The following CNBD1 variants were observed in gnomAD, a reference collection of about 807,000 sequenced individuals.
CNBD1 encodes the protein cyclic nucleotide binding domain containing 1.
In CNBD1, 71 loss-of-function variants were observed where a neutral mutation model predicts 54.4. The ratio of observed to expected loss-of-function variants is 1.30; its 90% CI spans 1.08 to 1.59. CNBD1 has a LOEUF of 1.59. Ranked by LOEUF, CNBD1 falls within the 40% of genes most tolerant of loss-of-function variation. The probability of loss-of-function intolerance (pLI) is 0.00; values close to 1 mark genes in which losing one functional copy is unlikely to be tolerated. For synonymous variants in CNBD1, 182 were observed against 170.7 expected (o/e 1.07, Z -0.51); for missense variants, 659 against 518.0 (o/e 1.27, Z -2.64).
At chr8:87,194,743 T>C (rs1268156108) in intron 4 of CNBD1, among the ~76,000 whole-genome samples, 2 of 152,246 alleles carry the variant, frequency 1.3e-5, no homozygotes, top group Non-Finnish European at 2.9e-5. Flanking sequence ...TGTAGTTCAC[T>C]AATTTATCCT....
At chr8:87,337,997 TC>T (rs1809984161) in intron 8 of CNBD1, among the ~76,000 whole-genome samples, 1 of 152,202 alleles carries the variant, frequency 6.6e-6, no homozygotes, top group Non-Finnish European at 1.5e-5. Context: ...TCTTTGACTT[TC>T]CTAATTTTAT....
At chr8:87,379,749 G>C (rs1811035027) in intron 10 of CNBD1, among the ~76,000 whole-genome samples, 1 of 151,828 alleles carries the variant, frequency 6.6e-6, no homozygotes, top group Admixed American at 6.6e-5. Flanking sequence ...AAATTACATT[G>C]ATTGAATCTG....
At position 87,182,143 on chromosome 8, in the gene CNBD1, G is replaced by A. The variant is rs1435431819; in HGVS notation, c.432-23850G>A. ...GTTCCCATTTATAAATGAGAACTGTGGTATTTGGATTTCTGATCCTATGTT... is the reference window on the plus strand; with the variant it reads ...GTTCCCATTTATAAATGAGAACTGTAGTATTTGGATTTCTGATCCTATGTT... On this transcript the variant is annotated intron_variant, in intron 4 of 10. Transcript: ENST00000518476. This position sits in a 1 kb window ranked among gnomAD's most constrained non-coding sequence, Gnocchi z 4.1. Among the ~76,000 whole-genome samples, 2 of 152,048 alleles carry A rather than the reference G, an allele frequency of 1.3e-5. No individual in the cohort carries two copies. The highest frequency in any genetic ancestry group is 2.9e-5 in the Non-Finnish European group (2 of 68,014).
intron 8 of CNBD1, among the ~76,000 whole-genome samples, chr8:87,296,477 AG>A (rs778442498): frequency 2.8e-4 from 42 of 152,268 alleles, no homozygotes; most frequent in Non-Finnish European, 5.1e-4. Context: ...AGTGTGTAAA[AG>A]TAAATAAGGC....
chr8:87,070,346 A>G (rs1810735132), intron 4 of CNBD1, among the ~76,000 whole-genome samples: 1 of 152,038 alleles, frequency 6.6e-6, no homozygotes, highest in Non-Finnish European at 1.5e-5. Context: ...AGGAGAAACC[A>G]CCTTTGGAAT....
At chr8:87,008,519 G>A (rs1238827080) in intron 4 of CNBD1, among the ~76,000 whole-genome samples, 1 of 152,102 alleles carries the variant, frequency 6.6e-6, no homozygotes, top group Non-Finnish European at 1.5e-5. Context: ...ATAGCCTGGG[G>A]TTTACTTTTA....
chr8:86,968,424 A>C (rs1189921803), intron 4 of CNBD1, among the ~76,000 whole-genome samples: 1 of 152,154 alleles, frequency 6.6e-6, no homozygotes, highest in Non-Finnish European at 1.5e-5. Flanking sequence ...ACTGAATAAA[A>C]ATGTATTTTC....
At chr8:87,378,966 G>C (rs1319046660) in intron 10 of CNBD1, among the ~76,000 whole-genome samples, 5 of 149,030 alleles carry the variant, frequency 3.4e-5, no homozygotes, top group African/African-American at 1.3e-4. Context: ...GTCTGTTGTT[G>C]GTGTATAGGA....
intron 8 of CNBD1, among the ~76,000 whole-genome samples, chr8:87,346,195 C>T (rs947840931): frequency 6.6e-6 from 1 of 152,020 alleles, no homozygotes; most frequent in African/African-American, 2.4e-5. Flanking sequence ...GCATGCGCCA[C>T]CACGCTCAGC....
At chr8:86,936,048 G>A (rs1256674111) in intron 3 of CNBD1, among the ~76,000 whole-genome samples, 1 of 152,100 alleles carries the variant, frequency 6.6e-6, no homozygotes, top group Admixed American at 6.6e-5. Context: ...GGTGAGGTGG[G>A]AGGATTGCAT....
intron 4 of CNBD1, among the ~76,000 whole-genome samples, chr8:87,061,789 C>T (rs138597683): frequency 1.3e-5 from 2 of 152,054 alleles, no homozygotes; most frequent in Non-Finnish European, 2.9e-5. Flanking sequence ...GCACGTTTTT[C>T]CCCAATATTA....
intron 3 of CNBD1, among the ~76,000 whole-genome samples, chr8:86,934,257 G>T (rs1014414892): frequency 2.0e-5 from 3 of 152,034 alleles, no homozygotes; most frequent in Admixed American, 6.6e-5. Context: ...ATTTTTAACA[G>T]CTTTAAATTA....
At chr8:87,186,201 C>A (rs1000536496) in intron 4 of CNBD1, among the ~76,000 whole-genome samples, 2 of 151,846 alleles carry the variant, frequency 1.3e-5, no homozygotes, top group East Asian at 3.9e-4. Flanking sequence ...TAATTAAATA[C>A]CTATTTGATA....
At chr8:87,369,593 A>G (rs990898492) in intron 10 of CNBD1, among the ~76,000 whole-genome samples, 2 of 151,892 alleles carry the variant, frequency 1.3e-5, no homozygotes, top group African/African-American at 4.8e-5. Flanking sequence ...CTTGGCTGAT[A>G]GTCTTTTTCT....
chr8:87,186,191 T>C (rs1813472054), intron 4 of CNBD1, among the ~76,000 whole-genome samples: 1 of 152,172 alleles, frequency 6.6e-6, no homozygotes, highest in Admixed American at 6.6e-5. Flanking sequence ...GATTGACATA[T>C]AATTAAATAC....
chr8:87,005,745 T>C (rs1809085019), intron 4 of CNBD1, among the ~76,000 whole-genome samples: 1 of 151,964 alleles, frequency 6.6e-6, no homozygotes, highest in South Asian at 2.1e-4. Flanking sequence ...AGTTTTTAAG[T>C]TCTGAGGTGA....
chr8:86,913,206 A>T (rs1219343484), intron 3 of CNBD1, among the ~76,000 whole-genome samples: 2 of 152,204 alleles, frequency 1.3e-5, no homozygotes, highest in Admixed American at 1.3e-4. Flanking sequence ...TAAATTCTGT[A>T]TTCACATACA....
intron 5 of CNBD1, among the ~76,000 whole-genome samples, chr8:87,211,741 A>C (rs1256754184): frequency 2.0e-5 from 3 of 152,204 alleles, no homozygotes; most frequent in African/African-American, 7.2e-5. Flanking sequence ...TGCCATGCTC[A>C]TGCAGCCTGC....
At chr8:87,235,675 T>A (rs1008659869) in intron 5 of CNBD1, among the ~76,000 whole-genome samples, 1 of 152,024 alleles carries the variant, frequency 6.6e-6, no homozygotes, top group Non-Finnish European at 1.5e-5. Flanking sequence ...ACAACAGATA[T>A]AATAATAATG....
Sources: gnomAD v4.1 joint callset for allele counts (sites outside exome capture counted in the v4.1 genomes callset) on GRCh38, gnomAD v4.1.1 for gene constraint, Gnocchi (gnomAD v3.1) non-coding constraint, MANE v1.5 for transcripts, NCBI Gene and HGNC (gene_info 2026-07-23, HGNC 2026-07-21) for gene names.